CTNNA2: variants seen among roughly 807,000 people sequenced by gnomAD.
CTNNA2 encodes catenin alpha 2, also known as catenin alpha-2.
A neutral mutation model predicts 101.0 loss-of-function variants in CTNNA2; 42 were observed. The ratio of observed to expected loss-of-function variants is 0.42; its 90% CI spans 0.32 to 0.54. The LOEUF is 0.54. CTNNA2 is among the 20% of genes least tolerant of loss of function. The pLI is 0.14. For missense variants in CTNNA2, 871 were observed against 1,223.1 expected (o/e 0.71, Z 4.29); for synonymous variants, 450 against 456.4 (o/e 0.99, Z 0.18).
chr2:79,752,142 G>A (rs4852515), intron 3 of CTNNA2, among the ~76,000 whole-genome samples: 55,181 of 151,750 alleles, frequency 0.36, 10,764 homozygotes, highest in East Asian at 0.78. Context: ...GTGAAATAGA[G>A]AAATTTGGAA....
rs149821410 is a variant in CTNNA2, at chr2:80,303,319, A to G, written c.1057-89892A>G. 1.0e-3 allele frequency: 1,613 copies of G among 1,613,836 alleles called. 1 individual carries two copies. Among genetic ancestry groups the G allele is most frequent in the Non-Finnish European group, 1.3e-3 (1,522 of 1,180,032 alleles). On this transcript the variant is annotated intron_variant, in intron 7 of 18. Transcript: ENST00000402739. The surrounding 1 kb of genome is among the most constrained non-coding windows in gnomAD (Gnocchi z 7.7). The stretch of plus-strand genomic sequence containing the variant: ...CAAACTGGATGGCGTTGGCCCGCAT[A>G]TGCAGCGTGGTGAGCTTCCGCAGCC...
At chr2:79,265,199 A>G (rs971948782) in intron 2 of CTNNA2, among the ~76,000 whole-genome samples, 1 of 152,190 alleles carries the variant, frequency 6.6e-6, no homozygotes, top group African/African-American at 2.4e-5. Flanking sequence ...CAGTCACTGC[A>G]AATATTAGCT....
chr2:79,602,474 C>T (rs1677611111), intron 1 of CTNNA2, among the ~76,000 whole-genome samples: 1 of 152,082 alleles, frequency 6.6e-6, no homozygotes, highest in Non-Finnish European at 1.5e-5. Context: ...TACCCATTAT[C>T]AACTTATTGT....
intron 3 of CTNNA2, among the ~76,000 whole-genome samples, chr2:79,822,871 C>T (rs569556778): frequency 6.6e-6 from 1 of 152,264 alleles, no homozygotes; most frequent in Non-Finnish European, 1.5e-5. Context: ...TGCCTGCTCT[C>T]CCTCCCTTCA....
intron 1 of CTNNA2, among the ~76,000 whole-genome samples, chr2:79,630,432 A>G (rs1263046556): frequency 6.6e-6 from 1 of 152,234 alleles, no homozygotes; most frequent in Non-Finnish European, 1.5e-5. Flanking sequence ...TGATGTAGCT[A>G]TATTTATACA....
rs1481862808 is a variant in CTNNA2, at chr2:79,215,549, G to A, written c.-406+17473G>A. ...TCAGGAGCAGATTGGGTAATAAAAC[G>A]TATTTTGAGAATAAGACGACCTTTT... On this transcript the variant is annotated intron_variant, in intron 2 of 21. Transcript: ENST00000466387. Among the ~76,000 whole-genome samples the A allele has an allele frequency of 7.9e-5, 12 of 152,262 alleles. No homozygotes were observed. The South Asian group carries it at 1.7e-3, about 21-fold the overall frequency.
At chr2:79,501,685 G>A (rs753207810) in intron 4 of CTNNA2, among the ~76,000 whole-genome samples, 10 of 152,180 alleles carry the variant, frequency 6.6e-5, no homozygotes, top group Non-Finnish European at 1.2e-4. Flanking sequence ...ATTTATTGTA[G>A]TTTCAGGGAA....
rs142150103 is a variant in CTNNA2 at position 80,422,060 on chromosome 2, T to G, written c.1290+2459T>G. Reference sequence around the variant, plus strand: ...AATTATGACTGTTGTATTAGTCTGTTCTCATGCTGCTAATAAAGACATATC... The same window carrying G: ...AATTATGACTGTTGTATTAGTCTGTGCTCATGCTGCTAATAAAGACATATC... On this transcript the variant is annotated intron_variant, in intron 9 of 18. Transcript: ENST00000402739. Among the ~76,000 whole-genome samples the G allele has an allele frequency of 1.8e-3, 281 of 152,308 alleles. 2 individuals are homozygous for G. The highest frequency in any genetic ancestry group is 6.4e-3 in the African/African-American group (264 of 41,572).
At chr2:80,619,907 G>T (rs909978965) in intron 18 of CTNNA2, among the ~76,000 whole-genome samples, 1 of 151,940 alleles carries the variant, frequency 6.6e-6, no homozygotes, top group Middle Eastern at 3.4e-3. Flanking sequence ...GGCATGAAAA[G>T]CTGCTATTGT....
At chr2:79,716,549 A>G (rs1686117147) in intron 2 of CTNNA2, among the ~76,000 whole-genome samples, 1 of 152,118 alleles carries the variant, frequency 6.6e-6, no homozygotes, top group Non-Finnish European at 1.5e-5. Context: ...ATAAGTGACA[A>G]CATGTGATGT....
At chr2:79,429,359 C>T (rs1678627011) in intron 4 of CTNNA2, among the ~76,000 whole-genome samples, 1 of 152,006 alleles carries the variant, frequency 6.6e-6, no homozygotes, top group Non-Finnish European at 1.5e-5. Flanking sequence ...AGAATAGCAG[C>T]AGTATCTAAC....
chr2:79,640,892 A>G (rs1400751197), intron 1 of CTNNA2, among the ~76,000 whole-genome samples: 2 of 152,196 alleles, frequency 1.3e-5, no homozygotes, highest in Non-Finnish European at 2.9e-5. Context: ...TTAATGAGCC[A>G]GTTAAGAAAA....
intron 9 of CTNNA2, among the ~76,000 whole-genome samples, chr2:80,532,263 A>G (rs1246000988): frequency 2.0e-5 from 3 of 152,170 alleles, no homozygotes; most frequent in African/African-American, 7.2e-5. Flanking sequence ...AAAATATTAA[A>G]TGGAAAATTT....
chr2:80,159,890 A>G (rs1704208273), intron 7 of CTNNA2, among the ~76,000 whole-genome samples: 1 of 152,230 alleles, frequency 6.6e-6, no homozygotes, highest in African/African-American at 2.4e-5. Flanking sequence ...GTCAAGTCTA[A>G]GAACTCCTTT....
intron 2 of CTNNA2, among the ~76,000 whole-genome samples, chr2:79,240,098 G>A (rs548343402): frequency 6.6e-6 from 1 of 151,888 alleles, no homozygotes; most frequent in East Asian, 1.9e-4. Context: ...AGTAGAGACG[G>A]GGTTTCTCCA....
At chr2:80,362,678 A>G (rs1189452607) in intron 7 of CTNNA2, among the ~76,000 whole-genome samples, 1 of 152,150 alleles carries the variant, frequency 6.6e-6, no homozygotes, top group East Asian at 1.9e-4. Flanking sequence ...ATCTTTTTGC[A>G]ACAAAAATGT....
intron 3 of CTNNA2, among the ~76,000 whole-genome samples, chr2:79,804,033 A>C (rs1558943020): frequency 6.6e-6 from 1 of 152,252 alleles, no homozygotes; most frequent in Non-Finnish European, 1.5e-5. Context: ...CCAGTTTCTC[A>C]AATCAAGACA....
intron 7 of CTNNA2, among the ~76,000 whole-genome samples, chr2:80,246,467 A>G (rs1161245111): frequency 2.6e-5 from 4 of 152,238 alleles, no homozygotes; most frequent in African/African-American, 9.6e-5. Context: ...GAACAAATGA[A>G]TTGGGCATAA....
chr2:79,279,751 C>A (rs1231723054), intron 2 of CTNNA2, among the ~76,000 whole-genome samples: 2 of 152,064 alleles, frequency 1.3e-5, no homozygotes, highest in African/African-American at 4.8e-5. Flanking sequence ...AGCTCATATG[C>A]AATTCCTCTT....
Sources: gnomAD v4.1 joint callset for allele counts (sites outside exome capture counted in the v4.1 genomes callset) on GRCh38, gnomAD v4.1.1 for gene constraint, Gnocchi (gnomAD v3.1) non-coding constraint, MANE v1.5 for transcripts, NCBI Gene and HGNC (gene_info 2026-07-23, HGNC 2026-07-21) for gene names.